Variants in EYS observed in about 807,000 individuals in gnomAD.
The protein encoded by EYS is protein eyes shut homolog.
A neutral mutation model predicts 282.1 loss-of-function variants in EYS; 250 were observed. That is an observed-to-expected ratio of 0.89 (90% CI 0.80 to 0.98). The LOEUF is 0.98. EYS is among the 50% of genes least tolerant of loss of function. The probability of loss-of-function intolerance (pLI) is 0.00; values close to 1 mark genes in which losing one functional copy is unlikely to be tolerated. For synonymous variants in EYS, 1,355 were observed against 1,282.9 expected, an observed-to-expected ratio of 1.06 and a Z score of -1.20; for missense variants, 4,016 against 3,709.0, an observed-to-expected ratio of 1.08 and a Z score of -2.15.
At chr6:64,691,754 T>C (rs1025942991) in intron 22 of EYS, among the ~76,000 whole-genome samples, 1 of 152,202 alleles carries the variant, frequency 6.6e-6, no homozygotes, top group Admixed American at 6.5e-5. Context: ...ATGCAGTATT[T>C]GGTTTTCTGT....
intron 12 of EYS, among the ~76,000 whole-genome samples, chr6:65,171,529 A>G (rs1056389336): frequency 6.6e-6 from 1 of 151,116 alleles, no homozygotes; most frequent in African/African-American, 2.4e-5. Context: ...TGCCAGATGC[A>G]TATTTGTGTA....
At chr6:64,484,990 G>C (rs1776540414) in intron 26 of EYS, among the ~76,000 whole-genome samples, 1 of 151,496 alleles carries the variant, frequency 6.6e-6, no homozygotes, top group Admixed American at 6.6e-5. Context: ...AATGTGAAGG[G>C]AATAAATACT....
rs576813558 is a variant in EYS, at chr6:65,375,500, C to T, written c.1299+8886G>A. ...TCTTCTCCTCCAAATGATCACGACT[C>T]CTCTCCAGCAAGGGCACAAAACTGG... On this transcript the variant is annotated intron_variant, in intron 8 of 42. Coordinates refer to ENST00000503581, the MANE Select transcript of EYS (RefSeq NM_001142800.2). Among the ~76,000 whole-genome samples, 351 of 152,136 alleles carry T rather than the reference C, an allele frequency of 2.3e-3. 3 individuals carry two copies. Among genetic ancestry groups the T allele is most frequent in the African/African-American group, 8.1e-3 (335 of 41,516 alleles).
chr6:65,423,785 T>A (rs1414114626), intron 5 of EYS, among the ~76,000 whole-genome samples: 1 of 152,006 alleles, frequency 6.6e-6, no homozygotes, highest in Non-Finnish European at 1.5e-5. Context: ...TATTCTTTCA[T>A]AATATTTTCC....
Position 65,049,879 on chromosome 6 carries a change from G to A in EYS, c.2137+7735C>T, listed in dbSNP as rs868439692. Among the ~76,000 whole-genome samples the A allele has an allele frequency of 6.6e-5, 10 of 151,698 alleles. No individual in the cohort carries two copies. The South Asian group carries it at 8.3e-4, about 13-fold the overall frequency. On this transcript the variant is annotated intron_variant, in intron 13 of 42. Transcript: ENST00000503581. ...ATAATAGGTAACTCAGCTGGGATGGGCCGTACATTAACTTGTTGATAAAAC... is the reference window on the plus strand; with the variant it reads ...ATAATAGGTAACTCAGCTGGGATGGACCGTACATTAACTTGTTGATAAAAC...
chr6:65,329,419 T>C (rs1351568544), intron 11 of EYS: 9 of 926,098 alleles, frequency 9.7e-6, no homozygotes, highest in African/African-American at 1.8e-5. Flanking sequence ...CCAAGATTAT[T>C]TGGTTTTCTA....
chr6:65,153,929 G>T lies in EYS; in HGVS notation c.2024-96202C>A, dbSNP rs566872034. 1.1e-3 allele frequency among the ~76,000 whole-genome samples: 161 copies of T among 151,840 alleles called. 1 individual carries two copies. Among genetic ancestry groups the T allele is most frequent in the African/African-American group, 3.7e-3 (154 of 41,488 alleles). ...ATTAATAGATACATTATTATCATCT[G>T]ATATCATTCAAAGTGCCTCCATTTA... is the stretch of plus-strand genomic sequence containing the variant. On this transcript the variant is annotated intron_variant, in intron 12 of 42. Coordinates refer to ENST00000503581, the MANE Select transcript of EYS (RefSeq NM_001142800.2).
At chr6:65,164,077 A>T (rs1418076231) in intron 12 of EYS, among the ~76,000 whole-genome samples, 1 of 151,364 alleles carries the variant, frequency 6.6e-6, no homozygotes, top group Non-Finnish European at 1.5e-5. Context: ...ACTGAGGAAA[A>T]ATGAATATTA....
chr6:64,990,227 C>T (rs763450972), intron 14 of EYS, among the ~76,000 whole-genome samples: 2 of 151,466 alleles, frequency 1.3e-5, no homozygotes, highest in Non-Finnish European at 3.0e-5. Flanking sequence ...TCTCTATGAA[C>T]CCCTTAAATG....
Position 65,443,373 on chromosome 6 carries a change from CACATATAGACATATATGCATACATGT to C in EYS, c.863-38032_863-38007del, listed in dbSNP as rs1334909008. On this transcript the variant is annotated intron_variant, in intron 5 of 42. Coordinates refer to ENST00000503581, the MANE Select transcript of EYS (RefSeq NM_001142800.2). The stretch of plus-strand genomic sequence containing the variant: ...AGACATATATGCATACATGTATGTA[CACATATAGACATATATGCATACATGT>C]ATGTACACATATAGCCATATATGTA... Among the ~76,000 whole-genome samples, 7 of 140,352 alleles carry C rather than the reference CACATATAGACATATATGCATACATGT, an allele frequency of 5.0e-5. 1 individual carries two copies. The highest frequency in any genetic ancestry group is 1.1e-4 in the Non-Finnish European group (7 of 61,854). The allele number at this position is 140,352 out of a possible 152,430, so 92.1% of individuals were successfully genotyped here.
intron 31 of EYS, among the ~76,000 whole-genome samples, chr6:64,085,144 A>C (rs1035571451): frequency 6.6e-6 from 1 of 151,628 alleles, no homozygotes; most frequent in Non-Finnish European, 1.5e-5. Context: ...TGTCTGGCTA[A>C]TTTTTGCATT....
At chr6:64,754,313 C>T (rs780275144) in intron 22 of EYS, among the ~76,000 whole-genome samples, 1 of 151,928 alleles carries the variant, frequency 6.6e-6, no homozygotes, top group Non-Finnish European at 1.5e-5. Flanking sequence ...AAATCTTAAA[C>T]AGACCAATAA....
intron 1 of EYS, among the ~76,000 whole-genome samples, chr6:65,702,204 T>C (rs980165816): frequency 7.2e-6 from 1 of 138,408 alleles, no homozygotes; most frequent in Non-Finnish European, 1.5e-5. Context: ...AATAAAAGAA[T>C]CTTTTTTTCT....
At chr6:65,619,816 C>T (rs144135623) in intron 2 of EYS, among the ~76,000 whole-genome samples, 38,738 of 136,164 alleles carry the variant, frequency 0.28, 4,686 homozygotes, top group Non-Finnish European at 0.4. Context: ...GATAATCATG[C>T]GGTTTTTGTC....
At chr6:64,452,932 T>C (rs1425373112) in intron 26 of EYS, among the ~76,000 whole-genome samples, 1 of 152,140 alleles carries the variant, frequency 6.6e-6, no homozygotes, top group Non-Finnish European at 1.5e-5. Context: ...GCAATACCAT[T>C]CAGGACATAG....
At chr6:64,624,888 C>A (rs1489193551) in intron 23 of EYS, among the ~76,000 whole-genome samples, 1 of 151,994 alleles carries the variant, frequency 6.6e-6, no homozygotes, top group Non-Finnish European at 1.5e-5. Context: ...TCTAAGAGAT[C>A]AAGTCCTGCT....
At chr6:65,365,547 A>C (rs1446643678) in intron 8 of EYS, among the ~76,000 whole-genome samples, 1 of 146,014 alleles carries the variant, frequency 6.8e-6, no homozygotes, top group Non-Finnish European at 1.5e-5. Flanking sequence ...TTTGCAATTA[A>C]AGTTAAGATA....
chr6:65,261,050 A>G (rs952321760), intron 12 of EYS, among the ~76,000 whole-genome samples: 20 of 152,104 alleles, frequency 1.3e-4, no homozygotes, highest in Admixed American at 1.2e-3. Flanking sequence ...ACTTGGGGGA[A>G]CTTTGCACTT....
chr6:64,892,458 G>T (rs1216356665), intron 18 of EYS, among the ~76,000 whole-genome samples: 1 of 151,790 alleles, frequency 6.6e-6, no homozygotes. Flanking sequence ...GAAACCACTG[G>T]TGAAACTTTC....
Sources: allele counts gnomAD v4.1 joint callset (sites outside exome capture counted in the v4.1 genomes callset), GRCh38; gene constraint gnomAD v4.1.1; transcripts MANE v1.5; gene names NCBI Gene and HGNC (gene_info 2026-07-23, HGNC 2026-07-21).